Variants in TTYH1 observed in about 807,000 individuals in gnomAD.
The protein encoded by TTYH1 is protein tweety homolog 1.
TTYH1 carries 33 observed loss-of-function variants against 61.2 expected under a neutral mutation model. That is an observed-to-expected ratio of 0.54 (90% confidence interval 0.41 to 0.72). The LOEUF (loss-of-function observed/expected upper bound fraction) is 0.72. Ranked by LOEUF, TTYH1 falls within the 30% of genes least tolerant of loss-of-function variation. TTYH1 has a pLI of 0.00. For missense variants in TTYH1, 538 were observed against 575.8 expected, an observed-to-expected ratio of 0.93 and a Z score of 0.67; for synonymous variants, 308 against 266.4, an observed-to-expected ratio of 1.16 and a Z score of -1.52.
At position 54,429,155 on chromosome 19, in the gene TTYH1, C is replaced by A; in HGVS notation, c.735-152C>A. ...GACATCAGCAGCCACTGGCCTACCC[C>A]CAACCACTGAACTTGTGTTTCCCTA... On this transcript the variant is annotated intron_variant, in intron 5 of 13. Coordinates refer to ENST00000376530, the MANE Select transcript of TTYH1 (RefSeq NM_020659.4). This position sits in a 1 kb window ranked among gnomAD's most constrained non-coding sequence, Gnocchi z 5.1. 1.4e-6 allele frequency: 1 copy of A among 709,532 alleles called. No individual in the cohort carries two copies. The highest frequency in any genetic ancestry group is 2.6e-5 in the East Asian group (1 of 38,982). The allele number at this position is 709,532 out of a possible 1,614,324, so 44.0% of individuals were successfully genotyped here. A position where few individuals can be genotyped will look rare whatever the true frequency, so the allele number is the denominator to read the frequency against.
rs1379279977 is a variant in TTYH1, at chr19:54,415,926, A to C, written c.126+248A>C. 5 of 863,072 alleles carry C rather than the reference A, an allele frequency of 5.8e-6. No homozygotes were observed. In the South Asian group the frequency reaches 6.4e-5, roughly 11 times the overall value. 53.5% of individuals were successfully genotyped at this position (863,072 alleles called of 1,614,324 possible). Reference sequence around the variant, plus strand: ...GGAAGGCTGGGGACCTGCACCCCTGAGTTCATGGAGAGGAGGGGAGGGGGG... The same window carrying C: ...GGAAGGCTGGGGACCTGCACCCCTGCGTTCATGGAGAGGAGGGGAGGGGGG... On this transcript the variant is annotated intron_variant, in intron 1 of 13. Transcript: ENST00000376530. This position sits in a 1 kb window ranked among gnomAD's most constrained non-coding sequence, Gnocchi z 5.2.
chr19:54,431,499 T>C (rs2083444878), intron 10 of TTYH1: 1 of 424,208 alleles, frequency 2.4e-6, no homozygotes, highest in Admixed American at 4.4e-5. Flanking sequence ...CCTTGTCTTC[T>C]CTCCTCTCTC....
chr19:54,415,734 C>A lies in TTYH1; in HGVS notation c.126+56C>A. The A allele has an allele frequency of 6.9e-7, 1 of 1,440,416 alleles. No homozygotes were observed. Among genetic ancestry groups the A allele is most frequent in the Non-Finnish European group, 9.2e-7 (1 of 1,090,052 alleles). 89.2% of individuals were successfully genotyped at this position (1,440,416 alleles called of 1,614,324 possible). A position where few individuals can be genotyped will look rare whatever the true frequency, so the allele number is the denominator to read the frequency against. On this transcript the variant is annotated intron_variant, in intron 1 of 13. Transcript: ENST00000376530. The surrounding 1 kb of genome is among the most constrained non-coding windows in gnomAD (Gnocchi z 5.2). ...GGGCTGGGGGCCGGAGCTCCTGGGT[C>A]CCGAGGGAGAAGGGGGCTGGGTCAC...
chr19:54,417,328 C>T (rs1040474279), intron 1 of TTYH1, among the ~76,000 whole-genome samples: 2 of 151,470 alleles, frequency 1.3e-5, no homozygotes, highest in African/African-American at 4.9e-5. Context: ...CACACTCAGA[C>T]ACGCCCACTT....
At position 54,416,273 on chromosome 19, in the gene TTYH1, G is replaced by A; in HGVS notation, c.126+595G>A. ...CGTCCCAAGAAAGAAGGGGTGGTCA[G>A]GGCGCTGCAGGGGTGAGGGCCGAGA... On this transcript the variant is annotated intron_variant, in intron 1 of 13. Transcript: ENST00000376530. The surrounding 1 kb of genome is among the most constrained non-coding windows in gnomAD (Gnocchi z 7.0). 3.1e-6 allele frequency: 1 copy of A among 325,994 alleles called. No individual in the cohort carries two copies. The highest frequency in any genetic ancestry group is 6.3e-6 in the Non-Finnish European group (1 of 157,512). The allele number at this position is 325,994 out of a possible 1,614,324, so 20.2% of individuals were successfully genotyped here.
chr19:54,415,991 G>A lies in TTYH1; in HGVS notation c.126+313G>A, dbSNP rs1599877855. On this transcript the variant is annotated intron_variant, in intron 1 of 13. Coordinates refer to ENST00000376530, the MANE Select transcript of TTYH1 (RefSeq NM_020659.4). The surrounding 1 kb of genome is among the most constrained non-coding windows in gnomAD (Gnocchi z 5.2). ...TGTCTGATACCTGCCTGGGAAGCCGGCCTCCAGGGTCATCGGGAGGGTAGG... is the reference window on the plus strand; with the variant it reads ...TGTCTGATACCTGCCTGGGAAGCCGACCTCCAGGGTCATCGGGAGGGTAGG... 5.3e-6 allele frequency: 7 copies of A among 1,317,720 alleles called. No individual in the cohort carries two copies. The highest frequency in any genetic ancestry group is 7.1e-6 in the Non-Finnish European group (7 of 990,070). The allele number at this position is 1,317,720 out of a possible 1,614,324, so 81.6% of individuals were successfully genotyped here.
intron 4 of TTYH1, among the ~76,000 whole-genome samples, chr19:54,423,882 A>T (rs1207920891): frequency 1.3e-5 from 2 of 152,066 alleles, no homozygotes; most frequent in African/African-American, 4.8e-5. Flanking sequence ...TACAGAGGGG[A>T]CCAGGCACGG....
At position 54,415,828 on chromosome 19, in the gene TTYH1, C is replaced by T; in HGVS notation, c.126+150C>T. On this transcript the variant is annotated intron_variant, in intron 1 of 13. Transcript: ENST00000376530. The surrounding 1 kb of genome is among the most constrained non-coding windows in gnomAD (Gnocchi z 5.2). ...TTGGGGTTTCGGAGGGAGGAGGAGC[C>T]TGGGGGCGCCCATGCCTGGAGGTTC... is the stretch of plus-strand genomic sequence containing the variant. 2 of 973,286 alleles carry T rather than the reference C, an allele frequency of 2.1e-6. No homozygotes were observed. Among genetic ancestry groups the T allele is most frequent in the Non-Finnish European group, 2.9e-6 (2 of 686,624 alleles). 60.3% of individuals were successfully genotyped at this position (973,286 alleles called of 1,614,324 possible). A position where few individuals can be genotyped will look rare whatever the true frequency, so the allele number is the denominator to read the frequency against.
In TTYH1 at chr19:54,419,324, T is replaced by C; in HGVS notation, c.305+18T>C. The stretch of plus-strand genomic sequence containing the variant: ...GCCGGCTGGTAATGGGGCCCCAGGG[T>C]GGGTGGGCGGTGGGGACAGGGCTCC... On this transcript the variant is annotated intron_variant, in intron 2 of 13. Transcript: ENST00000376530. The surrounding 1 kb of genome is among the most constrained non-coding windows in gnomAD (Gnocchi z 6.1). 1.6e-6 allele frequency: 2 copies of C among 1,275,288 alleles called. No homozygotes were observed. Among genetic ancestry groups the C allele is most frequent in the South Asian group, 1.2e-5 (1 of 83,900 alleles). The allele number at this position is 1,275,288 out of a possible 1,614,324, so 79.0% of individuals were successfully genotyped here. A position where few individuals can be genotyped will look rare whatever the true frequency, so the allele number is the denominator to read the frequency against.
At chr19:54,431,414 CT>C (rs1220187803) in intron 10 of TTYH1, 9 of 556,494 alleles carry the variant, frequency 1.6e-5, no homozygotes, top group Non-Finnish European at 2.5e-5. Context: ...TCCTCCCTCC[CT>C]TTCCCCCCAA....
Position 54,420,477 on chromosome 19 carries a change from G to C in TTYH1, c.306-800G>C, listed in dbSNP as rs893560677. On this transcript the variant is annotated intron_variant, in intron 2 of 13. Coordinates refer to ENST00000376530, the MANE Select transcript of TTYH1 (RefSeq NM_020659.4). This position sits in a 1 kb window ranked among gnomAD's most constrained non-coding sequence, Gnocchi z 4.8. ...ACTGGGCGTCCGACCCGAGGGATGG[G>C]GGTGGAGGCCCAGCCGGGGCTGGGA... Among the ~76,000 whole-genome samples, 4 of 152,036 alleles carry C rather than the reference G, an allele frequency of 2.6e-5. No homozygotes were observed. The highest frequency in any genetic ancestry group is 2.1e-4 in the South Asian group (1 of 4,828).
chr19:54,428,813 C>G (rs937049916), intron 5 of TTYH1, among the ~76,000 whole-genome samples: 1 of 152,152 alleles, frequency 6.6e-6, no homozygotes, highest in Non-Finnish European at 1.5e-5. Context: ...GTTTGGGGAC[C>G]CCTGGGTGCC....
chr19:54,429,058 C>T lies in TTYH1; in HGVS notation c.735-249C>T, dbSNP rs79165630. On this transcript the variant is annotated intron_variant, in intron 5 of 13. Coordinates refer to ENST00000376530, the MANE Select transcript of TTYH1 (RefSeq NM_020659.4). This position sits in a 1 kb window ranked among gnomAD's most constrained non-coding sequence, Gnocchi z 5.1. ...GGTCCTGGAGCTGGGATCCAAGCTG[C>T]GACCACCCAGCCCAGGGCCCTGCTC... Among the ~76,000 whole-genome samples the T allele has an allele frequency of 0.016, 2,374 of 152,228 alleles. 38 individuals are homozygous for T. Among genetic ancestry groups the T allele is most frequent in the Non-Finnish European group, 0.024 (1,623 of 67,990 alleles).
In TTYH1 at chr19:54,416,866, TG is replaced by T. The variant is rs1373000781; in HGVS notation, c.126+1190del. On this transcript the variant is annotated intron_variant, in intron 1 of 13. Transcript: ENST00000376530. The surrounding 1 kb of genome is among the most constrained non-coding windows in gnomAD (Gnocchi z 7.0). ...CCTCGGCCCAGACTCACGCCCGCTC[TG>T]GCCCGGAGACCTCCCGAAGCCGCAC... is the stretch of plus-strand genomic sequence containing the variant. 1 of 1,291,576 alleles carries T rather than the reference TG, an allele frequency of 7.7e-7. No homozygotes were observed. Among genetic ancestry groups the T allele is most frequent in the Non-Finnish European group, 1.0e-6 (1 of 987,980 alleles). The allele number at this position is 1,291,576 out of a possible 1,614,324, so 80.0% of individuals were successfully genotyped here.
At position 54,415,646 on chromosome 19, in the gene TTYH1, GT is replaced by G; in HGVS notation, c.98del (p.Phe33SerfsTer25). The G allele has an allele frequency of 2.6e-6, 4 of 1,566,488 alleles. No individual in the cohort carries two copies. The highest frequency in any genetic ancestry group is 1.4e-5 in the African/African-American group (1 of 73,442). ...ADFQLRPVPS[V>X]FAPQEQEYQQ... ...CTTCCAGCTCCGCCCGGTGCCCAGC[GT>G]TTTCGCGCCCCAAGAGCAGGAATAC... On this transcript the variant is annotated frameshift_variant, in exon 1 of 14. Transcript: ENST00000376530. LOFTEE classifies it high-confidence loss of function. The surrounding 1 kb of genome is among the most constrained non-coding windows in gnomAD (Gnocchi z 5.2).
chr19:54,435,946 GA>G (rs2083541507), intron 12 of TTYH1, 73 bp downstream of exon 12: 1 of 1,597,174 alleles, frequency 6.3e-7, no homozygotes, highest in Non-Finnish European at 8.6e-7. Context: ...AGGAGGAGCT[GA>G]GGGCCTGGCC....
intron 8 of TTYH1, 96 bp from the exon 9 acceptor site, chr19:54,430,717 G>A (rs2083420308): frequency 2.5e-6 from 4 of 1,577,156 alleles, no homozygotes; most frequent in Middle Eastern, 1.7e-4. Context: ...CGGGGAGGAT[G>A]CAGGCCAGGG....
chr19:54,431,289 C>A, intron 10 of TTYH1, 98 bp downstream of exon 10: 1 of 789,184 alleles, frequency 1.3e-6, no homozygotes, highest in South Asian at 1.5e-5. Context: ...TGCCATTGCG[C>A]CTGAGGATAT....
At position 54,429,803 on chromosome 19, in the gene TTYH1, G is replaced by A. The variant is rs1334656695; in HGVS notation, c.808-79G>A. On this transcript the variant is annotated intron_variant, in intron 6 of 13. Transcript: ENST00000376530. The surrounding 1 kb of genome is among the most constrained non-coding windows in gnomAD (Gnocchi z 5.1). ...CCCCTGGGTGGGGAGGGGAGCTGGG[G>A]AGCCAGGCACTGGGTGCTGTGGGAG... The A allele has an allele frequency of 2.0e-5, 26 of 1,292,118 alleles. No individual in the cohort carries two copies. The South Asian group carries it at 2.3e-4, about 11-fold the overall frequency. The allele number at this position is 1,292,118 out of a possible 1,614,324, so 80.0% of individuals were successfully genotyped here. A position where few individuals can be genotyped will look rare whatever the true frequency, so the allele number is the denominator to read the frequency against.
Sources: allele counts gnomAD v4.1 joint callset (sites outside exome capture counted in the v4.1 genomes callset), GRCh38; gene constraint gnomAD v4.1.1; non-coding constraint Gnocchi (gnomAD v3.1); transcripts MANE v1.5; gene names NCBI Gene and HGNC (gene_info 2026-07-23, HGNC 2026-07-21).